The following CTNNA3 variants were observed in gnomAD, a reference collection of about 807,000 sequenced individuals.
CTNNA3 encodes the protein catenin alpha 3.
Under a neutral mutation model 95.7 loss-of-function variants are expected in CTNNA3, and 76 were observed. The ratio of observed to expected loss-of-function variants is 0.79; its 90% CI spans 0.66 to 0.96. The LOEUF (loss-of-function observed/expected upper bound fraction) is 0.96. Ranked by LOEUF, CTNNA3 falls within the 40% of genes least tolerant of loss-of-function variation. The pLI, the probability that CTNNA3 is intolerant of heterozygous loss-of-function variation, is 0.00. For missense variants in CTNNA3, 1,191 were observed against 1,089.8 expected (o/e 1.09, Z -1.31); for synonymous variants, 431 against 374.4 (o/e 1.15, Z -1.74).
intron 5 of CTNNA3, among the ~76,000 whole-genome samples, chr10:67,333,856 T>G (rs1385330951): frequency 6.6e-6 from 1 of 152,154 alleles, no homozygotes; most frequent in African/African-American, 2.4e-5. Context: ...AATCAACTGA[T>G]AATGGCTGGC....
intron 7 of CTNNA3, among the ~76,000 whole-genome samples, chr10:66,821,098 T>A (rs1033924463): frequency 6.6e-6 from 1 of 152,164 alleles, no homozygotes; most frequent in Non-Finnish European, 1.5e-5. Flanking sequence ...TGTGTACATA[T>A]GTGTACTCAT....
chr10:67,705,656 T>A (rs1488674015), intron 1 of CTNNA3, among the ~76,000 whole-genome samples: 123 of 141,476 alleles, frequency 8.7e-4, no homozygotes, highest in African/African-American at 3.0e-3. Context: ...GAGGGATAGC[T>A]TTAGGAGATA....
chr10:66,807,510 A>G (rs562149010), intron 7 of CTNNA3, among the ~76,000 whole-genome samples: 120 of 152,208 alleles, frequency 7.9e-4, no homozygotes, highest in Admixed American at 2.2e-3. Flanking sequence ...CGTTTGTTGC[A>G]AGTAATAAAA....
intron 3 of CTNNA3, among the ~76,000 whole-genome samples, chr10:67,600,849 T>G (rs1257853305): frequency 6.6e-6 from 1 of 152,006 alleles, no homozygotes; most frequent in Non-Finnish European, 1.5e-5. Context: ...TATGGTTTAT[T>G]ATCAATGAAT....
intron 12 of CTNNA3, among the ~76,000 whole-genome samples, chr10:66,370,349 C>T (rs2092744843): frequency 6.6e-6 from 1 of 152,122 alleles, no homozygotes; most frequent in South Asian, 2.1e-4. Flanking sequence ...GGAATTGTTT[C>T]ATTAGTTTCA....
At chr10:66,004,050 T>G (rs1183333688) in intron 15 of CTNNA3, among the ~76,000 whole-genome samples, 7 of 152,178 alleles carry the variant, frequency 4.6e-5, no homozygotes. Context: ...CTCCAACATA[T>G]AAGAATACAG....
intron 5 of CTNNA3, among the ~76,000 whole-genome samples, chr10:67,405,449 A>G (rs1845102561): frequency 1.3e-5 from 2 of 152,222 alleles, no homozygotes; most frequent in South Asian, 2.1e-4. Flanking sequence ...AAGACAAAGA[A>G]GAGTATTACA....
At chr10:66,834,068 T>C (rs530586200) in intron 7 of CTNNA3, among the ~76,000 whole-genome samples, 1 of 152,326 alleles carries the variant, frequency 6.6e-6, no homozygotes, top group East Asian at 1.9e-4. Context: ...ACTCAGCTCC[T>C]TGGTATGTCT....
At chr10:67,420,335 T>G (rs999113442) in intron 5 of CTNNA3, among the ~76,000 whole-genome samples, 10 of 152,216 alleles carry the variant, frequency 6.6e-5, no homozygotes, top group African/African-American at 2.4e-4. Context: ...ATAAATAATT[T>G]TAACATATAG....
chr10:67,058,542 C>T lies in CTNNA3; in HGVS notation c.1047+121775G>A, dbSNP rs996941593. On this transcript the variant is annotated intron_variant, in intron 7 of 17. Transcript: ENST00000433211. ...CTCCACTATATTCAGAACTGAGTGA[C>T]TGGCCCATGAACTATATCCCTCCTC... Among the ~76,000 whole-genome samples the T allele has an allele frequency of 3.9e-5, 6 of 152,270 alleles. 2 individuals carry two copies. The highest frequency in any genetic ancestry group is 3.3e-4 in the Admixed American group (5 of 15,288).
At chr10:66,383,998 A>C (rs2092866009) in intron 11 of CTNNA3, among the ~76,000 whole-genome samples, 1 of 152,178 alleles carries the variant, frequency 6.6e-6, no homozygotes, top group Admixed American at 6.5e-5. Flanking sequence ...AAACATGCCA[A>C]ATTGTAAAGA....
intron 7 of CTNNA3, among the ~76,000 whole-genome samples, chr10:66,808,475 C>T (rs116951061): frequency 0.021 from 3,231 of 152,250 alleles, 46 homozygotes; most frequent in Non-Finnish European, 0.032. Flanking sequence ...CAAAATGGTA[C>T]ATCTGTACCT....
At chr10:67,638,423 C>A (rs1839402984) in intron 2 of CTNNA3, among the ~76,000 whole-genome samples, 1 of 152,200 alleles carries the variant, frequency 6.6e-6, no homozygotes, top group Admixed American at 6.5e-5. Flanking sequence ...GACTTTAACA[C>A]CCCACTGTCA....
chr10:66,158,908 T>A (rs1217481464), intron 13 of CTNNA3, among the ~76,000 whole-genome samples: 1 of 151,810 alleles, frequency 6.6e-6, no homozygotes, highest in Admixed American at 6.6e-5. Context: ...TTATTTTTAT[T>A]TTTTTGCAGC....
intron 9 of CTNNA3, among the ~76,000 whole-genome samples, chr10:66,622,570 T>C (rs965903039): frequency 1.2e-4 from 18 of 152,168 alleles, no homozygotes; most frequent in African/African-American, 4.3e-4. Flanking sequence ...AGATTCTTCT[T>C]ACTAACACAG....
chr10:66,755,376 A>ATAGTT (rs1474810382), intron 9 of CTNNA3, among the ~76,000 whole-genome samples: 1 of 152,146 alleles, frequency 6.6e-6, no homozygotes, highest in Non-Finnish European at 1.5e-5. Flanking sequence ...GATTGTAGTG[A>ATAGTT]TAGTTGCACA....
chr10:66,876,808 G>A (rs1244380420), intron 7 of CTNNA3, among the ~76,000 whole-genome samples: 2 of 152,030 alleles, frequency 1.3e-5, no homozygotes, highest in African/African-American at 4.8e-5. Context: ...AGACAAGAAA[G>A]AGAAGTCCCC....
At chr10:67,598,940 A>G (rs1843001902) in intron 3 of CTNNA3, among the ~76,000 whole-genome samples, 1 of 152,088 alleles carries the variant, frequency 6.6e-6, no homozygotes, top group Non-Finnish European at 1.5e-5. Flanking sequence ...AGAAACCAAT[A>G]CTCATAAGGA....
chr10:67,476,316 C>A (rs1848008286), intron 5 of CTNNA3, among the ~76,000 whole-genome samples: 1 of 152,092 alleles, frequency 6.6e-6, no homozygotes, highest in Admixed American at 6.5e-5. Context: ...ACAGCCTGAG[C>A]CATCCCATTA....
Sources: gnomAD v4.1 joint callset for allele counts (sites outside exome capture counted in the v4.1 genomes callset) on GRCh38, gnomAD v4.1.1 for gene constraint, MANE v1.5 for transcripts, NCBI Gene and HGNC (gene_info 2026-07-23, HGNC 2026-07-21) for gene names.